EFCAB11: variants seen among roughly 807,000 people sequenced by gnomAD.
EFCAB11 encodes the protein EF-hand calcium-binding domain-containing protein 11.
EFCAB11 carries 14 observed loss-of-function variants against 23.0 expected under a neutral mutation model. The ratio of observed to expected loss-of-function variants is 0.61; its 90% CI spans 0.40 to 0.95. The LOEUF (loss-of-function observed/expected upper bound fraction) is 0.95, where lower values mean the gene tolerates loss of function less well. Among genes scored for constraint, EFCAB11 ranks in the 40% least tolerant of loss-of-function variants. The pLI, the probability that EFCAB11 is intolerant of heterozygous loss-of-function variation, is 0.00. For synonymous variants in EFCAB11, 65 were observed against 66.6 expected (o/e 0.98, Z 0.11); for missense variants, 198 against 195.8 (o/e 1.01, Z -0.07).
intron 5 of EFCAB11, among the ~76,000 whole-genome samples, chr14:89,807,993 A>C (rs1429900357): frequency 6.6e-6 from 1 of 152,150 alleles, no homozygotes; most frequent in Admixed American, 6.5e-5. Context: ...ACGAGTGGGG[A>C]TGGAATAGGT....
At chr14:89,872,133 T>C (rs1481314242) in intron 5 of EFCAB11, among the ~76,000 whole-genome samples, 1 of 152,250 alleles carries the variant, frequency 6.6e-6, no homozygotes, top group South Asian at 2.1e-4. Context: ...CTAATTTACA[T>C]TACCATATTC....
intron 5 of EFCAB11, among the ~76,000 whole-genome samples, chr14:89,799,680 G>A (rs944389): frequency 0.12 from 18,016 of 145,564 alleles, 1,396 homozygotes; most frequent in East Asian, 0.45. Flanking sequence ...ACCCTGACTC[G>A]AAAGAAACTT....
intron 3 of EFCAB11, among the ~76,000 whole-genome samples, chr14:89,942,870 G>A (rs571533363): frequency 1.3e-5 from 2 of 152,082 alleles, no homozygotes; most frequent in East Asian, 1.9e-4. Context: ...TAATTTTCAC[G>A]AGGAAATCTC....
At chr14:89,945,763 T>A (rs575368276) in intron 3 of EFCAB11, among the ~76,000 whole-genome samples, 1 of 152,316 alleles carries the variant, frequency 6.6e-6, no homozygotes, top group South Asian at 2.1e-4. Flanking sequence ...GCTGTTCACG[T>A]CTCCTATATC....
chr14:89,941,692 A>T (rs1890800191), intron 3 of EFCAB11, among the ~76,000 whole-genome samples: 1 of 151,400 alleles, frequency 6.6e-6, no homozygotes, highest in Non-Finnish European at 1.5e-5. Context: ...CTGGGAATAT[A>T]GGTGCATACC....
chr14:89,864,046 G>C (rs1888010194), intron 5 of EFCAB11, among the ~76,000 whole-genome samples: 1 of 152,108 alleles, frequency 6.6e-6, no homozygotes, highest in African/African-American at 2.4e-5. Context: ...TATAACCAAT[G>C]AGGAACACTA....
At chr14:89,798,813 G>T (rs1875265611) in intron 5 of EFCAB11, among the ~76,000 whole-genome samples, 1 of 152,140 alleles carries the variant, frequency 6.6e-6, no homozygotes, top group South Asian at 2.1e-4. Context: ...TTGAGATGGA[G>T]TCTCACTCTG....
intron 3 of EFCAB11, among the ~76,000 whole-genome samples, chr14:89,945,951 C>G (rs548418075): frequency 1.5e-4 from 22 of 145,842 alleles, no homozygotes; most frequent in South Asian, 1.1e-3. Context: ...CAGAGTCTTG[C>G]TCTGTCACCC....
At chr14:89,951,326 C>T (rs1042048237) in intron 2 of EFCAB11, among the ~76,000 whole-genome samples, 3 of 152,090 alleles carry the variant, frequency 2.0e-5, no homozygotes, top group Non-Finnish European at 4.4e-5. Flanking sequence ...TCATCAGGGC[C>T]TAACTTGTCC....
At chr14:89,893,166 A>G (rs1596436127) in intron 5 of EFCAB11, among the ~76,000 whole-genome samples, 1 of 152,284 alleles carries the variant, frequency 6.6e-6, no homozygotes, top group Admixed American at 6.5e-5. Context: ...GGGCTCAGAC[A>G]CTGAGAAGCC....
At chr14:89,819,701 T>C (rs937279202) in intron 5 of EFCAB11, among the ~76,000 whole-genome samples, 2 of 152,166 alleles carry the variant, frequency 1.3e-5, no homozygotes, top group Non-Finnish European at 2.9e-5. Context: ...TCTCCCAAAG[T>C]GCTGAAATGA....
chr14:89,951,957 T>G (rs959044859), intron 2 of EFCAB11, among the ~76,000 whole-genome samples: 2 of 152,076 alleles, frequency 1.3e-5, no homozygotes, highest in African/African-American at 4.8e-5. Flanking sequence ...TGTAAAAAAC[T>G]GCATGAATGT....
At chr14:89,805,076 G>A (rs566491566) in intron 5 of EFCAB11, among the ~76,000 whole-genome samples, 7 of 152,350 alleles carry the variant, frequency 4.6e-5, no homozygotes, top group African/African-American at 1.7e-4. Context: ...AAGGGTAAGA[G>A]AATGTCCAGA....
At chr14:89,920,428 AAAG>A (rs1184653705) in intron 5 of EFCAB11, among the ~76,000 whole-genome samples, 2 of 152,218 alleles carry the variant, frequency 1.3e-5, no homozygotes, top group Non-Finnish European at 2.9e-5. Flanking sequence ...AACGCTGTTA[AAAG>A]AAGTGAGAAA....
chr14:89,881,821 T>G (rs562253608), intron 5 of EFCAB11, among the ~76,000 whole-genome samples: 66 of 152,274 alleles, frequency 4.3e-4, no homozygotes, highest in African/African-American at 1.5e-3. Context: ...TCTTAAATTT[T>G]CCTTCATTAA....
At chr14:89,915,253 T>C (rs1327931334) in intron 5 of EFCAB11, among the ~76,000 whole-genome samples, 1 of 152,216 alleles carries the variant, frequency 6.6e-6, no homozygotes, top group African/African-American at 2.4e-5. Flanking sequence ...ACCAATGACA[T>C]TATTACAGAA....
intron 5 of EFCAB11, among the ~76,000 whole-genome samples, chr14:89,809,466 C>T (rs1473923968): frequency 1.3e-5 from 2 of 152,092 alleles, no homozygotes; most frequent in Non-Finnish European, 2.9e-5. Flanking sequence ...TCATTGATTA[C>T]GGAGCATTTC....
At chr14:89,825,102 CAAAAA>C (rs35074143) in intron 5 of EFCAB11, among the ~76,000 whole-genome samples, 2 of 60,238 alleles carry the variant, frequency 3.3e-5, no homozygotes. Context: ...ATGCTGGGAC[CAAAAA>C]AAAAAAAAAA....
intron 5 of EFCAB11, among the ~76,000 whole-genome samples, chr14:89,842,830 G>A (rs1445322987): frequency 1.3e-5 from 2 of 152,046 alleles, no homozygotes; most frequent in Non-Finnish European, 1.5e-5. Flanking sequence ...GTGGAGCCAT[G>A]ATCTCTTCCA....
Sources: allele counts gnomAD v4.1 joint callset (sites outside exome capture counted in the v4.1 genomes callset), GRCh38; gene constraint gnomAD v4.1.1; transcripts MANE v1.5; gene names NCBI Gene and HGNC (gene_info 2026-07-23, HGNC 2026-07-21).